The following PTPRD variants were observed in gnomAD, a reference collection of about 807,000 sequenced individuals.
PTPRD encodes the protein protein tyrosine phosphatase receptor type D.
A neutral mutation model predicts 214.5 loss-of-function variants in PTPRD; 34 were observed. That is an observed-to-expected ratio of 0.16 (90% confidence interval 0.12 to 0.21). The LOEUF (loss-of-function observed/expected upper bound fraction) is 0.21, where lower values mean the gene tolerates loss of function less well. Among genes scored for constraint, PTPRD ranks in the 10% least tolerant of loss-of-function variants. PTPRD has a pLI of 1.00. For missense variants in PTPRD, 2,545 were observed against 2,398.7 expected, an observed-to-expected ratio of 1.06 and a Z score of -1.27; for synonymous variants, 1,128 against 845.7, an observed-to-expected ratio of 1.33 and a Z score of -5.79.
chr9:8,380,687 T>TTTAAA (rs1168165383), intron 37 of PTPRD, among the ~76,000 whole-genome samples: 1 of 152,178 alleles, frequency 6.6e-6, no homozygotes, highest in East Asian at 1.9e-4. Flanking sequence ...TAAATTTATT[T>TTTAAA]TTAAAACTCT....
chr9:9,017,118 A>T (rs1413502256), intron 11 of PTPRD, among the ~76,000 whole-genome samples: 1 of 152,208 alleles, frequency 6.6e-6, no homozygotes, highest in Non-Finnish European at 1.5e-5. Context: ...TTATCATCGC[A>T]ACAAAGACCC....
chr9:9,114,002 A>G (rs921387570), intron 10 of PTPRD, among the ~76,000 whole-genome samples: 5 of 152,302 alleles, frequency 3.3e-5, no homozygotes, highest in South Asian at 2.1e-4. Context: ...GGTTTACTCT[A>G]TATTTGACAA....
intron 3 of PTPRD, among the ~76,000 whole-genome samples, chr9:10,092,771 C>A (rs1210206480): frequency 6.6e-6 from 1 of 151,444 alleles, no homozygotes; most frequent in Non-Finnish European, 1.5e-5. Context: ...ACCAACAGAA[C>A]AGACTAGAGA....
intron 10 of PTPRD, among the ~76,000 whole-genome samples, chr9:9,109,992 G>A (rs1042422768): frequency 9.2e-5 from 14 of 151,896 alleles, no homozygotes; most frequent in African/African-American, 3.1e-4. Context: ...AACGAAATGA[G>A]CTTGGCACCA....
intron 11 of PTPRD, among the ~76,000 whole-genome samples, chr9:8,975,622 G>C (rs1426845304): frequency 6.6e-6 from 1 of 151,864 alleles, no homozygotes; most frequent in Non-Finnish European, 1.5e-5. Flanking sequence ...TGAACTATGA[G>C]TAAGCCTCAT....
chr9:9,443,479 C>A (rs2089109140), intron 8 of PTPRD, among the ~76,000 whole-genome samples: 1 of 152,158 alleles, frequency 6.6e-6, no homozygotes, highest in South Asian at 2.1e-4. Flanking sequence ...ATGGTTTAGG[C>A]CAACAGAATG....
At chr9:8,677,529 A>G (rs925147101) in intron 12 of PTPRD, among the ~76,000 whole-genome samples, 1 of 152,156 alleles carries the variant, frequency 6.6e-6, no homozygotes, top group African/African-American at 2.4e-5. Flanking sequence ...TTGAGGGTGG[A>G]GGGTGAGGAG....
intron 3 of PTPRD, among the ~76,000 whole-genome samples, chr9:10,233,981 A>C (rs2099620755): frequency 6.6e-6 from 1 of 151,760 alleles, no homozygotes; most frequent in South Asian, 2.1e-4. Context: ...AATGAAAGCA[A>C]GATGATCACG....
intron 14 of PTPRD, among the ~76,000 whole-genome samples, chr9:8,581,124 G>A (rs910038785): frequency 2.0e-5 from 3 of 152,036 alleles, no homozygotes; most frequent in African/African-American, 4.8e-5. Context: ...AGTTCTACCT[G>A]GAAGCTGGAA....
At chr9:9,455,355 C>T (rs1588909608) in intron 8 of PTPRD, among the ~76,000 whole-genome samples, 1 of 151,388 alleles carries the variant, frequency 6.6e-6, no homozygotes, top group Non-Finnish European at 1.5e-5. Flanking sequence ...TGCACACATA[C>T]AGTGATAATT....
At chr9:9,008,865 A>C (rs1467044380) in intron 11 of PTPRD, among the ~76,000 whole-genome samples, 1 of 152,180 alleles carries the variant, frequency 6.6e-6, no homozygotes, top group Non-Finnish European at 1.5e-5. Context: ...ATATTAATTA[A>C]GGAAGCATGT....
intron 7 of PTPRD, among the ~76,000 whole-genome samples, chr9:9,693,692 T>G (rs1333326102): frequency 6.6e-6 from 1 of 152,228 alleles, no homozygotes; most frequent in Admixed American, 6.5e-5. Context: ...CTTCTATGTC[T>G]TTCTCTACCT....
At chr9:9,794,556 T>C (rs891110764) in intron 5 of PTPRD, among the ~76,000 whole-genome samples, 3 of 152,016 alleles carry the variant, frequency 2.0e-5, no homozygotes, top group African/African-American at 7.2e-5. Flanking sequence ...GATAAGCTAA[T>C]CAAACAAGGA....
At chr9:10,091,207 A>G (rs1486945627) in intron 3 of PTPRD, among the ~76,000 whole-genome samples, 1 of 151,578 alleles carries the variant, frequency 6.6e-6, no homozygotes, top group Non-Finnish European at 1.5e-5. Flanking sequence ...AGTATTAATT[A>G]TGGCATAATT....
chr9:10,263,664 C>G (rs758729741), intron 3 of PTPRD, among the ~76,000 whole-genome samples: 41 of 152,084 alleles, frequency 2.7e-4, no homozygotes, highest in Non-Finnish European at 5.6e-4. Context: ...AAATTTGCAG[C>G]CTGACAATGC....
chr9:10,035,157 G>C (rs1331488650), intron 3 of PTPRD, among the ~76,000 whole-genome samples: 1 of 152,100 alleles, frequency 6.6e-6, no homozygotes, highest in African/African-American at 2.4e-5. Context: ...ACTAGTGTGA[G>C]ATAGTGTCTC....
At chr9:10,566,733 G>A (rs1158735962) in intron 2 of PTPRD, among the ~76,000 whole-genome samples, 1 of 151,658 alleles carries the variant, frequency 6.6e-6, no homozygotes, top group Non-Finnish European at 1.5e-5. Flanking sequence ...GCGTTTTTTT[G>A]CGACTTAAGA....
intron 9 of PTPRD, among the ~76,000 whole-genome samples, chr9:9,381,966 G>T (rs1238127272): frequency 1.3e-5 from 2 of 151,328 alleles, no homozygotes; most frequent in Non-Finnish European, 2.9e-5. Flanking sequence ...GATCACTATA[G>T]GTAGTATGCA....
intron 11 of PTPRD, among the ~76,000 whole-genome samples, chr9:8,940,284 T>TTTTTG (rs2099024398): frequency 7.2e-5 from 2 of 27,726 alleles, no homozygotes; most frequent in African/African-American, 1.9e-4. Context: ...TCTCTCCTTT[T>TTTTTG]TTTTTTTTTT....
Sources: allele counts gnomAD v4.1 joint callset (sites outside exome capture counted in the v4.1 genomes callset), GRCh38; gene constraint gnomAD v4.1.1; transcripts MANE v1.5; gene names NCBI Gene and HGNC (gene_info 2026-07-23, HGNC 2026-07-21).